Variants in ODC1 observed in about 807,000 individuals in gnomAD.
ODC1 encodes ornithine decarboxylase 1, also known as ornithine decarboxylase.
In ODC1, 18 loss-of-function variants were observed where a neutral mutation model predicts 41.5. That is an observed-to-expected ratio of 0.43 (90% CI 0.30 to 0.64). The LOEUF is 0.64. Among genes scored for constraint, ODC1 ranks in the 30% least tolerant of loss-of-function variants. The pLI, the probability that ODC1 is intolerant of heterozygous loss-of-function variation, is 0.11. For missense variants in ODC1, 504 were observed against 589.0 expected (o/e 0.86, Z 1.49); for synonymous variants, 218 against 211.6 (o/e 1.03, Z -0.26).
Position 10,440,002 on chromosome 2 carries a change from G to C in ODC1, c.*722C>G, listed in dbSNP as rs1031572859. 1 of 152,280 alleles carries C rather than the reference G, an allele frequency of 6.6e-6. No homozygotes were observed. Among genetic ancestry groups the C allele is most frequent in the Non-Finnish European group, 1.5e-5 (1 of 68,094 alleles). 9.4% of individuals were successfully genotyped at this position (152,280 alleles called of 1,614,324 possible). On this transcript the variant is annotated 3_prime_UTR_variant, in exon 12 of 12. Transcript: ENST00000234111. ...GCTGTTGCTGAATTTATTAAAATAA[G>C]CTGACTGCCAAATGTGGTACCGTAT...
rs28362392 is a variant in ODC1 at position 10,445,333 on chromosome 2, T to C, written c.-127-69A>G. 3,338 of 335,178 alleles carry C rather than the reference T, an allele frequency of 1.0e-2. 90 individuals carry two copies. Among genetic ancestry groups the C allele is most frequent in the African/African-American group, 0.067 (3,094 of 46,448 alleles). The allele number at this position is 335,178 out of a possible 1,614,324, so 20.8% of individuals were successfully genotyped here. A position where few individuals can be genotyped will look rare whatever the true frequency, so the allele number is the denominator to read the frequency against. ...ATCGAGTTGAAGATGGGGCACTGGC[T>C]GAGCACACGCAGAGCTAATCATGCC... On this transcript the variant is annotated intron_variant, in intron 1 of 11. Coordinates refer to ENST00000234111, the MANE Select transcript of ODC1 (RefSeq NM_002539.3).
chr2:10,441,889 C>A lies in ODC1; in HGVS notation c.954G>T (p.Val318=), dbSNP rs766272550. The change falls in exon 10 of 12, where the codon GTG becomes GTT. Residue 318 remains valine, a synonymous_variant. Transcript: ENST00000234111. The part of the protein sequence containing the change: ...ESSEQTFMYY[V]NDGVYGSFNC... ...TAAATGATCCATAGACGCCATCATTCACATAATACATAAAGGTCTGCTCAC... is the reference window on the plus strand; with the variant it reads ...TAAATGATCCATAGACGCCATCATTAACATAATACATAAAGGTCTGCTCAC... The A allele has an allele frequency of 6.2e-7, 1 of 1,614,032 alleles. No individual in the cohort carries two copies. The highest frequency in any genetic ancestry group is 1.3e-5 in the African/African-American group (1 of 74,924).
chr2:10,444,766 G>C, intron 3 of ODC1, 119 bp from the exon 4 acceptor site: 1 of 903,134 alleles, frequency 1.1e-6, no homozygotes, highest in Non-Finnish European at 1.7e-6. Context: ...TCTAGCCACT[G>C]ATATGAGTAT....
chr2:10,442,236 T>TA, intron 8 of ODC1, 62 bp from the exon 9 acceptor site: 6 of 1,509,892 alleles, frequency 4.0e-6, no homozygotes, highest in Non-Finnish European at 5.4e-6. Context: ...CATGGGGGAG[T>TA]AACATCACAG....
At chr2:10,447,565 T>C (rs1322213942) in intron 1 of ODC1, 2 of 152,278 alleles carry the variant, frequency 1.3e-5, no homozygotes, top group Non-Finnish European at 2.9e-5. Flanking sequence ...TAAACACCTC[T>C]AAGTCATGGC....
chr2:10,443,173 T>C, intron 8 of ODC1, 57 bp downstream of exon 8: 1 of 1,379,186 alleles, frequency 7.3e-7, no homozygotes, highest in Non-Finnish European at 1.0e-6. Flanking sequence ...TTTGAAATAT[T>C]CCAAAAAGGA....
rs1265038897 is a variant in ODC1 at position 10,440,753 on chromosome 2, C to T, written c.1357G>A (p.Ala453Thr). 1 of 1,614,156 alleles carries T rather than the reference C, an allele frequency of 6.2e-7. No homozygotes were observed. Among genetic ancestry groups the T allele is most frequent in the South Asian group, 1.1e-5 (1 of 91,084 alleles). ...WESGMKRHRA[A>T]CASASINV ...ACATTAATACTAGCCGAAGCACAGG[C>T]TGCTCTGTGGCGTTTCATCCCACTC... Residue 453 changes from alanine to threonine, a missense_variant, in exon 12 of 12, where the codon GCC becomes ACC. Ala to Thr is a moderately conservative substitution (Grantham distance 58). This residue lies in a region of ODC1 where 447 missense variants were observed against 524.4 expected (regional missense o/e 0.85). Coordinates refer to ENST00000234111, the MANE Select transcript of ODC1 (RefSeq NM_002539.3).
chr2:10,441,865 A>G lies in ODC1; in HGVS notation c.978T>C (p.Phe326=). 1 of 1,614,208 alleles carries G rather than the reference A, an allele frequency of 6.2e-7. No individual in the cohort carries two copies. The highest frequency in any genetic ancestry group is 8.5e-7 in the Non-Finnish European group (1 of 1,180,042). ...GTGCGTGGTCATAGAGTATGCAATT[A>G]AATGATCCATAGACGCCATCATTCA... ...YYVNDGVYGS[F]NCILYDHAHV... Residue 326 remains phenylalanine, a synonymous_variant, in exon 10 of 12, where the codon TTT becomes TTC. Transcript: ENST00000234111.
At chr2:10,441,436 G>A (rs1460806893) in intron 11 of ODC1, 73 bp downstream of exon 11, 16 of 1,451,642 alleles carry the variant, frequency 1.1e-5, no homozygotes, top group African/African-American at 7.1e-5. Context: ...TTTCTTATTC[G>A]TCTAGACAAG....
chr2:10,443,462 C>G, intron 7 of ODC1, 28 bp downstream of exon 7: 1 of 1,607,130 alleles, frequency 6.2e-7, no homozygotes, highest in Non-Finnish European at 8.5e-7. Flanking sequence ...GTGTCCCGCC[C>G]TTCCCTAACA....
At chr2:10,445,360 C>T (rs554032515) in intron 1 of ODC1, 96 bp from the exon 2 acceptor site, 27 of 277,650 alleles carry the variant, frequency 9.7e-5, no homozygotes, top group African/African-American at 1.3e-4. Flanking sequence ...AATCATGCCC[C>T]GGATATGAAC....
chr2:10,446,270 A>C (rs538611675), intron 1 of ODC1, among the ~76,000 whole-genome samples: 10 of 151,766 alleles, frequency 6.6e-5, no homozygotes, highest in Non-Finnish European at 1.5e-4. Context: ...AGTAGCTGGG[A>C]TTACCGGCAT....
chr2:10,447,144 G>A (rs977248297), intron 1 of ODC1, among the ~76,000 whole-genome samples: 1 of 151,830 alleles, frequency 6.6e-6, no homozygotes, highest in African/African-American at 2.4e-5. Flanking sequence ...ATACTTTTTT[G>A]CTTTTCTGTA....
chr2:10,440,901 T>C, intron 11 of ODC1, 33 bp from the exon 12 acceptor site: 2 of 1,612,650 alleles, frequency 1.2e-6, no homozygotes, highest in Non-Finnish European at 1.7e-6. Context: ...TTAAAAACCC[T>C]GACTCACTCC....
At position 10,441,881 on chromosome 2, in the gene ODC1, C is replaced by G; in HGVS notation, c.962G>C (p.Gly321Ala). 1 of 1,614,096 alleles carries G rather than the reference C, an allele frequency of 6.2e-7. No homozygotes were observed. The highest frequency in any genetic ancestry group is 8.5e-7 in the Non-Finnish European group (1 of 1,180,032). Residue 321 changes from glycine to alanine, a missense_variant, in exon 10 of 12, where the codon GGC (glycine) becomes GCC (alanine). Coordinates refer to ENST00000234111, the MANE Select transcript of ODC1 (RefSeq NM_002539.3). Reference protein sequence around the residue: ...EQTFMYYVNDGVYGSFNCILY... With the variant: ...EQTFMYYVNDAVYGSFNCILY... ...TATGCAATTAAATGATCCATAGACG[C>G]CATCATTCACATAATACATAAAGGT...
intron 8 of ODC1, 134 bp from the exon 9 acceptor site, chr2:10,442,308 A>G (rs979624657): frequency 2.9e-5 from 26 of 906,678 alleles, no homozygotes; most frequent in Admixed American, 6.5e-5. Context: ...TTAAAGTAAC[A>G]AAAGCAAAAA....
chr2:10,443,973 G>T, intron 5 of ODC1, 122 bp downstream of exon 5: 1 of 1,448,522 alleles, frequency 6.9e-7, no homozygotes, highest in Non-Finnish European at 9.4e-7. Flanking sequence ...ATGACTCAAT[G>T]GGGGTTTCAA....
Position 10,444,230 on chromosome 2 carries a change from G to A in ODC1, c.314C>T (p.Pro105Leu), listed in dbSNP as rs1404297865. ...AGGATTTGCATAGATAATCCTCTCT[G>A]GAGGCACCCCCAGACTCTGCACCAA... ...IQLVQSLGVP[P>L]ERIIYANPCK... is the part of the protein sequence containing the mutation. The change falls in exon 5 of 12, where the codon CCA (proline) becomes CTA (leucine). Residue 105 changes from proline to leucine, a missense_variant. Around this residue, in one of 3 missense-constraint regions of ODC1, gnomAD observed 447 missense variants for 524.4 expected, o/e 0.85. Transcript: ENST00000234111. 6 of 1,608,802 alleles carry A rather than the reference G, an allele frequency of 3.7e-6. No individual in the cohort carries two copies. The highest frequency in any genetic ancestry group is 4.2e-6 in the Non-Finnish European group (5 of 1,178,198).
Position 10,440,385 on chromosome 2 carries a change from T to G in ODC1, c.*339A>C. On this transcript the variant is annotated 3_prime_UTR_variant, in exon 12 of 12. Coordinates refer to ENST00000234111, the MANE Select transcript of ODC1 (RefSeq NM_002539.3). ...CACACCATAAAAACGTCCCAATGCC[T>G]AATTATTTCAAGATACTTTATTTTA... The G allele has an allele frequency of 5.3e-6, 1 of 188,468 alleles. No homozygotes were observed. The highest frequency in any genetic ancestry group is 1.1e-4 in the South Asian group (1 of 9,228). 11.7% of individuals were successfully genotyped at this position (188,468 alleles called of 1,614,324 possible).
Sources: gnomAD v4.1 joint callset for allele counts (sites outside exome capture counted in the v4.1 genomes callset) on GRCh38, gnomAD v4.1.1 for gene constraint, gnomAD v4.1.1 regional missense constraint, MANE v1.5 for transcripts, NCBI Gene and HGNC (gene_info 2026-07-23, HGNC 2026-07-21) for gene names.